STT3B: variants seen among roughly 807,000 people sequenced by gnomAD.
STT3B encodes dolichyl-diphosphooligosaccharide--protein glycosyltransferase subunit STT3B.
A neutral mutation model predicts 96.8 loss-of-function variants in STT3B; 29 were observed. The observed-to-expected ratio is 0.30, with a 90% CI of 0.22 to 0.41. The LOEUF (loss-of-function observed/expected upper bound fraction) is 0.41. Ranked by LOEUF, STT3B falls within the 10% of genes least tolerant of loss-of-function variation. The pLI, the probability that STT3B is intolerant of heterozygous loss-of-function variation, is 1.00. For missense variants in STT3B, 640 were observed against 1,022.3 expected (o/e 0.63, Z 5.10); for synonymous variants, 367 against 360.0 (o/e 1.02, Z -0.22).
chr3:31,533,483 G>A lies in STT3B; in HGVS notation c.314+171G>A, dbSNP rs1329857374. The A allele has an allele frequency of 4.9e-6, 4 of 819,738 alleles. No homozygotes were observed. The African/African-American group carries it at 7.3e-5, about 15-fold the overall frequency. 50.8% of individuals were successfully genotyped at this position (819,738 alleles called of 1,614,324 possible). A position where few individuals can be genotyped will look rare whatever the true frequency, so the allele number is the denominator to read the frequency against. ...GCTCCGGGCGCGCCCCCTGCCCGTG[G>A]GCGAAGTTTGCCCCGTGCAGCCTGA... On this transcript the variant is annotated intron_variant, in intron 1 of 15. Coordinates refer to ENST00000295770, the MANE Select transcript of STT3B (RefSeq NM_178862.3).
At chr3:31,627,002 T>C (rs1249039250) in intron 13 of STT3B, among the ~76,000 whole-genome samples, 3 of 152,174 alleles carry the variant, frequency 2.0e-5, no homozygotes, top group Non-Finnish European at 2.9e-5. Flanking sequence ...GTGTTTTTAC[T>C]GTTCTCTTTC....
At chr3:31,558,636 T>TGTA (rs1192703350) in intron 1 of STT3B, among the ~76,000 whole-genome samples, 8 of 152,226 alleles carry the variant, frequency 5.3e-5, no homozygotes, top group African/African-American at 1.7e-4. Flanking sequence ...TTTAGCCAGT[T>TGTA]GTAGTATCCT....
intron 1 of STT3B, among the ~76,000 whole-genome samples, chr3:31,559,224 T>C (rs1048849757): frequency 1.3e-5 from 2 of 150,552 alleles, no homozygotes; most frequent in African/African-American, 4.9e-5. Context: ...CTGATTTTCA[T>C]GATTTCTTTG....
chr3:31,600,723 T>G (rs1304361245), intron 5 of STT3B, among the ~76,000 whole-genome samples: 1 of 152,066 alleles, frequency 6.6e-6, no homozygotes, highest in African/African-American at 2.4e-5. Flanking sequence ...CCTCTTAATT[T>G]TGGGGAATGG....
intron 1 of STT3B, 126 bp downstream of exon 1, chr3:31,533,438 A>T: frequency 8.3e-7 from 1 of 1,201,834 alleles, no homozygotes; most frequent in Non-Finnish European, 1.0e-6. Flanking sequence ...GTCCTGGCTG[A>T]GGCCGGCGCG....
chr3:31,620,368 G>A (rs1699400868), intron 9 of STT3B: 1 of 152,096 alleles, frequency 6.6e-6, no homozygotes, highest in African/African-American at 2.4e-5. Context: ...TTTCTGAGAG[G>A]TTAATGTTGT....
At chr3:31,632,898 A>G (rs755842857) in intron 14 of STT3B, 37 bp from the exon 15 acceptor site, 5 of 1,570,146 alleles carry the variant, frequency 3.2e-6, no homozygotes, top group African/African-American at 1.4e-5. Context: ...ATGTTTTCCA[A>G]TATGGTTAAC....
Position 31,587,780 on chromosome 3 carries a change from T to G in STT3B, c.711+7684T>G, listed in dbSNP as rs529869135. Among the ~76,000 whole-genome samples, 3 of 152,144 alleles carry G rather than the reference T, an allele frequency of 2.0e-5. No homozygotes were observed. The South Asian group carries it at 6.2e-4, about 31-fold the overall frequency. On this transcript the variant is annotated intron_variant, in intron 3 of 15. Coordinates refer to ENST00000295770, the MANE Select transcript of STT3B (RefSeq NM_178862.3). ...ATAAACATCTGTGTACAAATTACTA[T>G]AAGAATTGCACAGAGTTTTTATGCT... is the stretch of plus-strand genomic sequence containing the variant.
At chr3:31,591,954 T>A (rs1042847345) in intron 3 of STT3B, among the ~76,000 whole-genome samples, 1 of 152,198 alleles carries the variant, frequency 6.6e-6, no homozygotes, top group Admixed American at 6.5e-5. Flanking sequence ...CCAGTTTTTT[T>A]AAACTATGGT....
At chr3:31,611,846 T>A (rs1699186954) in intron 5 of STT3B, among the ~76,000 whole-genome samples, 1 of 152,152 alleles carries the variant, frequency 6.6e-6, no homozygotes, top group Admixed American at 6.5e-5. Context: ...TTTTTTTTAC[T>A]CAGATGTATC....
chr3:31,535,861 A>C (rs1022742039), intron 1 of STT3B, among the ~76,000 whole-genome samples: 1 of 152,224 alleles, frequency 6.6e-6, no homozygotes, highest in Admixed American at 6.5e-5. Context: ...GGTATTCTGC[A>C]TATAGTTTTA....
intron 1 of STT3B, among the ~76,000 whole-genome samples, chr3:31,573,445 A>G (rs369852044): frequency 5.9e-5 from 9 of 152,184 alleles, no homozygotes; most frequent in African/African-American, 2.2e-4. Flanking sequence ...TTACAGTGCT[A>G]GTAGCAGAAT....
chr3:31,569,957 C>T (rs577935571), intron 1 of STT3B, among the ~76,000 whole-genome samples: 1 of 151,874 alleles, frequency 6.6e-6, no homozygotes, highest in African/African-American at 2.4e-5. Context: ...GCTATATCTA[C>T]GTATATATAC....
intron 5 of STT3B, among the ~76,000 whole-genome samples, chr3:31,603,293 C>CA (rs1698974181): frequency 6.6e-6 from 1 of 151,866 alleles, no homozygotes; most frequent in Non-Finnish European, 1.5e-5. Flanking sequence ...AGAAAACTGT[C>CA]AAAGTTTATT....
chr3:31,539,539 T>A (rs939987078), intron 1 of STT3B, among the ~76,000 whole-genome samples: 1 of 152,110 alleles, frequency 6.6e-6, no homozygotes, highest in Non-Finnish European at 1.5e-5. Context: ...TAAATAAAAG[T>A]GTCCTCTGTT....
chr3:31,562,479 G>T (rs962080919), intron 1 of STT3B, among the ~76,000 whole-genome samples: 14 of 152,286 alleles, frequency 9.2e-5, no homozygotes, highest in African/African-American at 3.4e-4. Context: ...TTTGGTGGGG[G>T]TATGGAGCTA....
chr3:31,591,451 C>T lies in STT3B; in HGVS notation c.712-5347C>T, dbSNP rs116833528. 2.6e-3 allele frequency among the ~76,000 whole-genome samples: 396 copies of T among 152,216 alleles called. 2 individuals carry two copies. Among genetic ancestry groups the T allele is most frequent in the Non-Finnish European group, 4.2e-3 (287 of 67,978 alleles). ...TAAGTATTGTTTGATTTGCACCTGCCATTTACTGTCCTCTTTTGTGTTGAA... is the reference window on the plus strand; with the variant it reads ...TAAGTATTGTTTGATTTGCACCTGCTATTTACTGTCCTCTTTTGTGTTGAA... On this transcript the variant is annotated intron_variant, in intron 3 of 15. Transcript: ENST00000295770.
chr3:31,610,701 C>T (rs1166905025), intron 5 of STT3B, among the ~76,000 whole-genome samples: 2 of 152,082 alleles, frequency 1.3e-5, no homozygotes, highest in Non-Finnish European at 2.9e-5. Flanking sequence ...AGAATGTAGA[C>T]ATCTTTAGGT....
At chr3:31,558,374 T>G (rs1379848936) in intron 1 of STT3B, among the ~76,000 whole-genome samples, 1 of 152,218 alleles carries the variant, frequency 6.6e-6, no homozygotes, top group Non-Finnish European at 1.5e-5. Flanking sequence ...AGAGCTTTTA[T>G]CATGAAGGGA....
Sources: gnomAD v4.1 joint callset for allele counts (sites outside exome capture counted in the v4.1 genomes callset) on GRCh38, gnomAD v4.1.1 for gene constraint, MANE v1.5 for transcripts, NCBI Gene and HGNC (gene_info 2026-07-23, HGNC 2026-07-21) for gene names.